Variants in COL19A1 observed in about 807,000 individuals in gnomAD.
COL19A1 encodes collagen alpha-1(XIX) chain.
COL19A1 carries 159 observed loss-of-function variants against 190.2 expected under a neutral mutation model. The observed-to-expected ratio is 0.84, with a 90% CI of 0.73 to 0.95. The LOEUF (loss-of-function observed/expected upper bound fraction) is 0.95. Among genes scored for constraint, COL19A1 ranks in the 40% least tolerant of loss-of-function variants. The probability of loss-of-function intolerance (pLI) is 0.00; values close to 1 mark genes in which losing one functional copy is unlikely to be tolerated. For missense variants in COL19A1, 1,418 were observed against 1,431.9 expected, an observed-to-expected ratio of 0.99 and a Z score of 0.16; for synonymous variants, 509 against 458.9, an observed-to-expected ratio of 1.11 and a Z score of -1.39.
rs1451130560 is a variant in COL19A1 at position 70,149,749 on chromosome 6, T to G, written c.1929+10T>G. ...AGAGCCAGGTATTCAGGTAAGCTAT[T>G]TAACTAATTTTTTAGCACAGCAAAG... is the stretch of plus-strand genomic sequence containing the variant. On this transcript the variant is annotated intron_variant, in intron 28 of 50. Transcript: ENST00000620364. The G allele has an allele frequency of 6.2e-7, 1 of 1,613,564 alleles. No individual in the cohort carries two copies. Among genetic ancestry groups the G allele is most frequent in the Non-Finnish European group, 8.5e-7 (1 of 1,179,758 alleles).
At chr6:70,003,175 A>T (rs1203743865) in intron 11 of COL19A1, among the ~76,000 whole-genome samples, 1 of 152,188 alleles carries the variant, frequency 6.6e-6, no homozygotes, top group African/African-American at 2.4e-5. Context: ...TTCAATTTCC[A>T]TGTAATTGTG....
rs1439240710 is a variant in COL19A1, at chr6:70,034,285, CA to C, written c.1125del (p.Gly376GlufsTer82). 1.9e-6 allele frequency: 3 copies of C among 1,612,856 alleles called. No homozygotes were observed. The highest frequency in any genetic ancestry group is 2.5e-6 in the Non-Finnish European group (3 of 1,178,992). ...TTGGGTCCTCATGGTCCACCTGGCC[CA>C]AAAGGAGAAAAGGTATTGTGTTTAC... is the stretch of plus-strand genomic sequence containing the variant. ...GDLGPHGPPG[P>X]KGEKGDTGPP... On this transcript the variant is annotated frameshift_variant, in exon 13 of 51. Transcript: ENST00000620364. LOFTEE classifies it high-confidence loss of function.
chr6:69,955,415 C>T (rs1774351815), intron 9 of COL19A1, among the ~76,000 whole-genome samples: 1 of 151,788 alleles, frequency 6.6e-6, no homozygotes. Flanking sequence ...GACAGGAAAA[C>T]TTAAGGATTG....
chr6:69,942,786 T>G (rs1050819713), intron 9 of COL19A1, among the ~76,000 whole-genome samples: 2 of 149,876 alleles, frequency 1.3e-5, no homozygotes, highest in African/African-American at 5.0e-5. Flanking sequence ...AACATTTTCT[T>G]TATCCATTTA....
intron 9 of COL19A1, among the ~76,000 whole-genome samples, chr6:69,956,965 C>G (rs1217496749): frequency 1.3e-5 from 2 of 151,892 alleles, no homozygotes; most frequent in African/African-American, 4.8e-5. Context: ...AAAAAATCAC[C>G]ACAGGATAGT....
chr6:70,112,743 T>G (rs567337226), intron 16 of COL19A1, among the ~76,000 whole-genome samples: 2 of 152,208 alleles, frequency 1.3e-5, no homozygotes, highest in Non-Finnish European at 2.9e-5. Flanking sequence ...AGTCTCATCC[T>G]CCCACTTCTG....
chr6:70,068,538 C>A, intron 15 of COL19A1, 62 bp downstream of exon 15: 1 of 1,099,328 alleles, frequency 9.1e-7, no homozygotes, highest in Non-Finnish European at 1.4e-6. Context: ...TTTGGGAACA[C>A]TAATGAAAAT....
chr6:69,928,319 T>C (rs1002826327), intron 5 of COL19A1, among the ~76,000 whole-genome samples: 1 of 152,164 alleles, frequency 6.6e-6, no homozygotes, highest in African/African-American at 2.4e-5. Context: ...TTACAACTGC[T>C]TCATTAACTA....
At chr6:69,926,775 G>A (rs1352124987) in intron 4 of COL19A1, among the ~76,000 whole-genome samples, 4 of 149,882 alleles carry the variant, frequency 2.7e-5, no homozygotes, top group Non-Finnish European at 6.0e-5. Context: ...AAGCTCAACA[G>A]ACTCTAAGAA....
intron 15 of COL19A1, among the ~76,000 whole-genome samples, chr6:70,078,500 G>A (rs1782026834): frequency 6.6e-6 from 1 of 152,172 alleles, no homozygotes. Context: ...AGCAAGGGGC[G>A]AGGCTTGCCC....
chr6:70,077,245 A>G (rs1469370741), intron 15 of COL19A1, among the ~76,000 whole-genome samples: 1 of 152,190 alleles, frequency 6.6e-6, no homozygotes, highest in Non-Finnish European at 1.5e-5. Context: ...ATTATATTTT[A>G]ATTATCAAGA....
intron 14 of COL19A1, among the ~76,000 whole-genome samples, chr6:70,048,388 C>T (rs963420481): frequency 3.4e-4 from 51 of 152,166 alleles, no homozygotes; most frequent in African/African-American, 1.1e-3. Flanking sequence ...CCCTTTCCTC[C>T]CTTCCTCTTT....
At chr6:70,183,738 A>G (rs1192286125) in intron 44 of COL19A1, among the ~76,000 whole-genome samples, 1 of 152,360 alleles carries the variant, frequency 6.6e-6, no homozygotes, top group East Asian at 1.9e-4. Flanking sequence ...AGCATAATTT[A>G]TAGCAGTGAA....
intron 9 of COL19A1, 68 bp from the exon 10 acceptor site, chr6:69,959,928 G>A: frequency 6.9e-7 from 1 of 1,457,116 alleles, no homozygotes; most frequent in Non-Finnish European, 9.5e-7. Context: ...ATTTGTTAAA[G>A]ACCACAAAAA....
intron 44 of COL19A1, 128 bp from the exon 45 acceptor site, chr6:70,184,575 T>A: frequency 1.4e-6 from 1 of 738,684 alleles, no homozygotes; most frequent in East Asian, 2.5e-5. Flanking sequence ...TTTTCCATTT[T>A]ACCACCTTTC....
intron 4 of COL19A1, among the ~76,000 whole-genome samples, chr6:69,905,117 C>A (rs1243958108): frequency 6.6e-6 from 1 of 152,116 alleles, no homozygotes; most frequent in Non-Finnish European, 1.5e-5. Flanking sequence ...CGGGAGCCTT[C>A]AGGGGCCAAA....
intron 40 of COL19A1, 124 bp downstream of exon 40, chr6:70,168,805 A>C: frequency 3.2e-6 from 3 of 945,050 alleles, no homozygotes; most frequent in Non-Finnish European, 4.9e-6. Context: ...TGGTGGTGAC[A>C]AGCAGGCCAC....
intron 15 of COL19A1, among the ~76,000 whole-genome samples, chr6:70,101,589 G>C (rs972751037): frequency 2.6e-5 from 4 of 152,118 alleles, no homozygotes; most frequent in Non-Finnish European, 5.9e-5. Context: ...TTCAGTATAT[G>C]TAATTACAAT....
At chr6:70,175,868 T>A (rs1765769284) in intron 41 of COL19A1, among the ~76,000 whole-genome samples, 1 of 152,168 alleles carries the variant, frequency 6.6e-6, no homozygotes, top group Admixed American at 6.5e-5. Context: ...TCAAGCCTTT[T>A]ATGTCCCTGA....
Sources: allele counts gnomAD v4.1 joint callset (sites outside exome capture counted in the v4.1 genomes callset), GRCh38; gene constraint gnomAD v4.1.1; transcripts MANE v1.5; gene names NCBI Gene and HGNC (gene_info 2026-07-23, HGNC 2026-07-21).